Variants in NEK11 observed in about 807,000 individuals in gnomAD.
The protein encoded by NEK11 is NIMA related kinase 11.
In NEK11, 72 loss-of-function variants were observed where a neutral mutation model predicts 80.7. That is an observed-to-expected ratio of 0.89 (90% CI 0.74 to 1.08). NEK11 has a LOEUF of 1.08. Ranked by LOEUF, NEK11 falls within the 50% of genes least tolerant of loss-of-function variation. The pLI, the probability that NEK11 is intolerant of heterozygous loss-of-function variation, is 0.00. For missense variants in NEK11, 764 were observed against 763.6 expected (o/e 1.00, Z -0.01); for synonymous variants, 251 against 260.7 (o/e 0.96, Z 0.36).
chr3:131,162,551 C>G (rs748759792), intron 11 of NEK11, 24 bp downstream of exon 11: 2 of 1,613,140 alleles, frequency 1.2e-6, no homozygotes, highest in South Asian at 1.1e-5. Context: ...CCTTTAGGCA[C>G]TCATGCTCGG....
chr3:131,281,523 A>G (rs1034786224), intron 17 of NEK11, among the ~76,000 whole-genome samples: 8 of 152,188 alleles, frequency 5.3e-5, no homozygotes, highest in Admixed American at 4.6e-4. Flanking sequence ...ACATACGAGT[A>G]TTTGCAGTCT....
chr3:131,325,489 G>C (rs1345955491), intron 17 of NEK11: 2 of 152,084 alleles, frequency 1.3e-5, no homozygotes, highest in Non-Finnish European at 2.9e-5. Flanking sequence ...TGGAGCTTCA[G>C]CTGTATTTGC....
chr3:131,050,804 G>A (rs115915355), intron 3 of NEK11, among the ~76,000 whole-genome samples: 1,561 of 152,334 alleles, frequency 0.01, 21 homozygotes, highest in East Asian at 0.073. Flanking sequence ...TGAGGCAGGA[G>A]GATCGCTTGA....
chr3:131,072,718 T>C (rs1013018790), intron 3 of NEK11, among the ~76,000 whole-genome samples: 1 of 152,000 alleles, frequency 6.6e-6, no homozygotes, highest in South Asian at 2.1e-4. Flanking sequence ...CAGAAAGCTG[T>C]CTCCTCCATG....
chr3:131,216,590 T>C (rs2094842655), intron 14 of NEK11, among the ~76,000 whole-genome samples: 1 of 150,810 alleles, frequency 6.6e-6, no homozygotes, highest in Admixed American at 6.6e-5. Context: ...TCCATATTCT[T>C]CTCTGGCTTG....
intron 17 of NEK11, chr3:131,329,060 AG>A (rs2097026501): frequency 2.0e-5 from 3 of 152,238 alleles, no homozygotes; most frequent in Admixed American, 1.3e-4. Context: ...CCTTCTGCAT[AG>A]AATCCCTTTT....
intron 3 of NEK11, among the ~76,000 whole-genome samples, chr3:131,064,931 AC>A (rs1408448471): frequency 6.6e-6 from 1 of 152,080 alleles, no homozygotes; most frequent in African/African-American, 2.4e-5. Flanking sequence ...AGCCAAACTT[AC>A]AGAATGAATA....
At chr3:131,193,510 A>C (rs1267395267) in intron 14 of NEK11, among the ~76,000 whole-genome samples, 1 of 152,176 alleles carries the variant, frequency 6.6e-6, no homozygotes, top group African/African-American at 2.4e-5. Context: ...CTATTAAACA[A>C]TTTTAATAAA....
At chr3:131,084,071 T>G (rs764502904) in intron 4 of NEK11, among the ~76,000 whole-genome samples, 5 of 152,114 alleles carry the variant, frequency 3.3e-5, no homozygotes, top group Non-Finnish European at 1.5e-5. Flanking sequence ...AATCAAAGTT[T>G]CCAATAAACA....
intron 14 of NEK11, among the ~76,000 whole-genome samples, chr3:131,188,370 C>T (rs1423153516): frequency 6.6e-6 from 1 of 152,010 alleles, no homozygotes; most frequent in Admixed American, 6.6e-5. Flanking sequence ...TGGCAAAAAC[C>T]GCAATTACTT....
rs111937171 is a variant in NEK11, at chr3:131,219,081, G to A, written c.1400-9447G>A. Among the ~76,000 whole-genome samples the A allele has an allele frequency of 2.4e-3, 372 of 152,284 alleles. 2 individuals carry two copies. Among genetic ancestry groups the A allele is most frequent in the Non-Finnish European group, 4.0e-3 (273 of 68,022 alleles). ...GGATTATAAATCATTCTACTGTAAA[G>A]ACACATGCACATGTATGTTTATTGC... On this transcript the variant is annotated intron_variant, in intron 14 of 17. Transcript: ENST00000383366.
chr3:131,152,238 AAAC>A, intron 7 of NEK11, 147 bp from the exon 8 acceptor site: 1 of 572,260 alleles, frequency 1.7e-6, no homozygotes, highest in Non-Finnish European at 2.9e-6. Context: ...AAATGGAAAA[AAAC>A]TGTATGAAAC....
intron 17 of NEK11, among the ~76,000 whole-genome samples, chr3:131,306,650 A>G (rs1333041886): frequency 3.9e-5 from 6 of 152,190 alleles, no homozygotes; most frequent in African/African-American, 1.4e-4. Flanking sequence ...AACTTCTCCT[A>G]AGAGCAAGGC....
intron 17 of NEK11, among the ~76,000 whole-genome samples, chr3:131,320,991 G>GA (rs1206339648): frequency 6.6e-6 from 1 of 151,962 alleles, no homozygotes; most frequent in Non-Finnish European, 1.5e-5. Context: ...ACAAAATTAG[G>GA]AAAAAACTAT....
chr3:131,038,303 A>G (rs2065951374), intron 3 of NEK11, among the ~76,000 whole-genome samples: 1 of 152,156 alleles, frequency 6.6e-6, no homozygotes, highest in African/African-American at 2.4e-5. Flanking sequence ...GCTTCTGGCC[A>G]TCTTATATTT....
At chr3:131,030,337 G>T (rs1275933495) in intron 3 of NEK11, among the ~76,000 whole-genome samples, 3 of 152,100 alleles carry the variant, frequency 2.0e-5, no homozygotes, top group Non-Finnish European at 4.4e-5. Context: ...TTCATATTAG[G>T]TTTAAAGGCA....
chr3:131,145,966 A>T (rs1020023587), intron 7 of NEK11, among the ~76,000 whole-genome samples: 1 of 152,188 alleles, frequency 6.6e-6, no homozygotes, highest in African/African-American at 2.4e-5. Context: ...TTATTATTAT[A>T]ATTATCATTA....
At chr3:131,115,937 T>TCTTC (rs2081029931) in intron 5 of NEK11, among the ~76,000 whole-genome samples, 1 of 119,408 alleles carries the variant, frequency 8.4e-6, no homozygotes, top group African/African-American at 3.3e-5. Context: ...TTTCTTTCTT[T>TCTTC]CTTTCTTTCT....
chr3:131,275,921 T>C (rs1355575910), intron 17 of NEK11, among the ~76,000 whole-genome samples: 1 of 151,986 alleles, frequency 6.6e-6, no homozygotes, highest in African/African-American at 2.4e-5. Flanking sequence ...TAATATGAGG[T>C]GATAATTAAG....
Sources: gnomAD v4.1 joint callset for allele counts (sites outside exome capture counted in the v4.1 genomes callset) on GRCh38, gnomAD v4.1.1 for gene constraint, MANE v1.5 for transcripts, NCBI Gene and HGNC (gene_info 2026-07-23, HGNC 2026-07-21) for gene names.